Variants in PTPRT observed in about 807,000 individuals in gnomAD.
PTPRT encodes protein tyrosine phosphatase receptor type T, also known as receptor-type tyrosine-protein phosphatase T.
In PTPRT, 56 loss-of-function variants were observed where a neutral mutation model predicts 176.8. The ratio of observed to expected loss-of-function variants is 0.32; its 90% CI spans 0.26 to 0.40. The LOEUF (loss-of-function observed/expected upper bound fraction) is 0.40, where lower values mean the gene tolerates loss of function less well. Among genes scored for constraint, PTPRT ranks in the 10% least tolerant of loss-of-function variants. The pLI is 1.00. For synonymous variants in PTPRT, 783 were observed against 739.0 expected (o/e 1.06, Z -0.96); for missense variants, 1,540 against 1,908.2 (o/e 0.81, Z 3.60).
intron 6 of PTPRT, among the ~76,000 whole-genome samples, chr20:42,731,772 C>T (rs1420964603): frequency 6.6e-6 from 1 of 152,182 alleles, no homozygotes; most frequent in African/African-American, 2.4e-5. Context: ...ACTCCCACTA[C>T]TCACCCATCT....
At chr20:42,355,910 C>T (rs771960469) in intron 9 of PTPRT, among the ~76,000 whole-genome samples, 5 of 152,290 alleles carry the variant, frequency 3.3e-5, no homozygotes, top group South Asian at 2.1e-4. Context: ...TAATATACCG[C>T]GCTCTTCTGC....
chr20:42,234,964 G>A (rs1345528429), intron 15 of PTPRT, among the ~76,000 whole-genome samples: 1 of 152,214 alleles, frequency 6.6e-6, no homozygotes, highest in East Asian at 1.9e-4. Context: ...ATAAAGCTGA[G>A]TTTGCCAGAG....
At chr20:42,432,431 C>T (rs981916968) in intron 9 of PTPRT, among the ~76,000 whole-genome samples, 3 of 152,140 alleles carry the variant, frequency 2.0e-5, no homozygotes, top group Non-Finnish European at 2.9e-5. Context: ...AGCTCCCAAC[C>T]AACTGAACGG....
chr20:42,329,478 CACACACACACACACACACACACACAT>C lies in PTPRT; in HGVS notation c.1866-13508_1866-13483del, dbSNP rs200541525. Among the ~76,000 whole-genome samples, 76 of 117,216 alleles carry C rather than the reference CACACACACACACACACACACACACAT, an allele frequency of 6.5e-4. No homozygotes were observed. The East Asian group carries it at 0.012, about 19-fold the overall frequency. The allele number at this position is 117,216 out of a possible 152,430, so 76.9% of individuals were successfully genotyped here. On this transcript the variant is annotated intron_variant, in intron 11 of 30. Coordinates refer to ENST00000373187, the MANE Select transcript of PTPRT (RefSeq NM_007050.6). ...TATAAACCAAGAATATAGTGGCACACACACACACACACACACACACACACATACACACACACACACACACACAGGCA... is the reference window on the plus strand; with the variant it reads ...TATAAACCAAGAATATAGTGGCACACACACACACACACACACACACAGGCA...
intron 7 of PTPRT, among the ~76,000 whole-genome samples, chr20:42,485,990 A>C (rs1430234625): frequency 6.6e-6 from 1 of 152,206 alleles, no homozygotes; most frequent in Non-Finnish European, 1.5e-5. Context: ...AACTTGTGGC[A>C]AACAAGAATG....
intron 6 of PTPRT, among the ~76,000 whole-genome samples, chr20:42,754,516 TGATC>T (rs200856252): frequency 0.018 from 2,806 of 151,784 alleles, 100 homozygotes; most frequent in African/African-American, 0.063. Flanking sequence ...TGGCCTCAGG[TGATC>T]GATCTGTCTG....
intron 1 of PTPRT, among the ~76,000 whole-genome samples, chr20:42,901,508 A>G (rs1479040061): frequency 2.0e-5 from 3 of 152,124 alleles, no homozygotes; most frequent in Non-Finnish European, 4.4e-5. Flanking sequence ...AATGACATAT[A>G]CTTAACACCC....
At chr20:42,832,530 C>T (rs1370251755) in intron 2 of PTPRT, among the ~76,000 whole-genome samples, 2 of 151,696 alleles carry the variant, frequency 1.3e-5, no homozygotes, top group African/African-American at 4.8e-5. Flanking sequence ...TTTTGAAGAG[C>T]ATTTTTTAAT....
chr20:42,447,760 G>A (rs931696330), intron 9 of PTPRT, among the ~76,000 whole-genome samples: 3 of 152,128 alleles, frequency 2.0e-5, no homozygotes, highest in African/African-American at 7.2e-5. Flanking sequence ...AATATGCCTT[G>A]GGCACAGAGC....
At position 42,756,423 on chromosome 20, in the gene PTPRT, C is replaced by A; in HGVS notation, c.859+39G>T. The A allele has an allele frequency of 2.0e-6, 3 of 1,472,058 alleles. No homozygotes were observed. The East Asian group carries it at 7.4e-5, about 36-fold the overall frequency. The allele number at this position is 1,472,058 out of a possible 1,614,324, so 91.2% of individuals were successfully genotyped here. ...GGGCTTTAAGGCCCATTAATGCCAA[C>A]CTTCCATGGCAGTAGAGGCGCAGGC... On this transcript the variant is annotated intron_variant, in intron 6 of 30. Transcript: ENST00000373187.
intron 9 of PTPRT, among the ~76,000 whole-genome samples, chr20:42,411,536 A>G (rs146584490): frequency 0.1 from 14,752 of 147,728 alleles, 812 homozygotes; most frequent in Middle Eastern, 0.14. Flanking sequence ...AAAAAAAAAA[A>G]AAAAGAAAAA....
chr20:43,082,894 C>T (rs1313788888), intron 1 of PTPRT, among the ~76,000 whole-genome samples: 1 of 152,126 alleles, frequency 6.6e-6, no homozygotes, highest in African/African-American at 2.4e-5. Context: ...TGCCAGACCC[C>T]TCACTCATCA....
chr20:42,160,455 A>T (rs936780273), intron 17 of PTPRT, among the ~76,000 whole-genome samples: 8 of 142,630 alleles, frequency 5.6e-5, no homozygotes, highest in Admixed American at 2.8e-4. Context: ...AAACAAAAAG[A>T]GTGAGATAAA....
chr20:42,191,190 T>C (rs994862659), intron 16 of PTPRT, among the ~76,000 whole-genome samples: 1 of 146,090 alleles, frequency 6.8e-6, no homozygotes, highest in Non-Finnish European at 1.5e-5. Context: ...AAAAAAAAAA[T>C]AGCCCTGTAG....
chr20:43,097,286 C>T (rs2012210729), intron 1 of PTPRT, among the ~76,000 whole-genome samples: 1 of 152,052 alleles, frequency 6.6e-6, no homozygotes, highest in Admixed American at 6.6e-5. Context: ...GGAAGGTCGC[C>T]TAACCTCCCT....
intron 1 of PTPRT, among the ~76,000 whole-genome samples, chr20:43,112,126 G>C (rs1228595560): frequency 1.3e-5 from 2 of 152,212 alleles, no homozygotes; most frequent in Non-Finnish European, 2.9e-5. Context: ...GCAGGAACTA[G>C]AGCCACACTT....
At chr20:42,230,707 A>G (rs1025716126) in intron 15 of PTPRT, among the ~76,000 whole-genome samples, 7 of 152,146 alleles carry the variant, frequency 4.6e-5, no homozygotes, top group African/African-American at 1.7e-4. Context: ...TGAGGCTCAG[A>G]GTGTTTCTAT....
At chr20:42,389,830 G>A (rs571168413) in intron 9 of PTPRT, among the ~76,000 whole-genome samples, 1 of 144,292 alleles carries the variant, frequency 6.9e-6, no homozygotes, top group Non-Finnish European at 1.5e-5. Context: ...ATTCCAGCCT[G>A]GGAAACAGAG....
At chr20:43,152,925 C>CG (rs768308040) in intron 1 of PTPRT, among the ~76,000 whole-genome samples, 492 of 151,822 alleles carry the variant, frequency 3.2e-3, no homozygotes, top group African/African-American at 0.01. Flanking sequence ...AAATACTTCC[C>CG]AATTTTTTTT....
Sources: allele counts gnomAD v4.1 joint callset (sites outside exome capture counted in the v4.1 genomes callset), GRCh38; gene constraint gnomAD v4.1.1; transcripts MANE v1.5; gene names NCBI Gene and HGNC (gene_info 2026-07-23, HGNC 2026-07-21).